The following SANBR variants were observed in gnomAD, a reference collection of about 807,000 sequenced individuals.
SANBR encodes SANT and BTB domain regulator of class switch recombination.
SANBR carries 77 observed loss-of-function variants against 101.8 expected under a neutral mutation model. The ratio of observed to expected loss-of-function variants is 0.76; its 90% CI spans 0.63 to 0.91. The LOEUF is 0.91. SANBR is among the 40% of genes least tolerant of loss of function. The pLI is 0.00. For synonymous variants in SANBR, 279 were observed against 274.7 expected (o/e 1.02, Z -0.15); for missense variants, 875 against 853.0 (o/e 1.03, Z -0.32).
intron 11 of SANBR, among the ~76,000 whole-genome samples, chr2:61,096,174 A>C (rs1275649861): frequency 3.3e-5 from 5 of 152,126 alleles, no homozygotes; most frequent in Non-Finnish European, 7.4e-5. Flanking sequence ...TCTAGATAAA[A>C]TGGTTTTACC....
chr2:61,080,448 C>G (rs1184340569), intron 6 of SANBR, among the ~76,000 whole-genome samples: 1 of 152,050 alleles, frequency 6.6e-6, no homozygotes, highest in African/African-American at 2.4e-5. Flanking sequence ...CTTCACCGGG[C>G]GTGGTGGCTC....
downstream of SANBR, among the ~76,000 whole-genome samples, chr2:61,124,875 G>T (rs1421781979): frequency 6.6e-6 from 1 of 152,200 alleles, no homozygotes; most frequent in South Asian, 2.1e-4. Flanking sequence ...ACTGTGAGAT[G>T]TGCTTATTGC....
At chr2:61,108,033 A>G (rs1683656871) in intron 14 of SANBR, among the ~76,000 whole-genome samples, 1 of 152,204 alleles carries the variant, frequency 6.6e-6, no homozygotes, top group South Asian at 2.1e-4. Flanking sequence ...AGTTCTAAAA[A>G]TAACTAAAAT....
Position 61,109,295 on chromosome 2 carries a change from A to C in SANBR, c.1743A>C (p.Gln581His), listed in dbSNP as rs1327088327. ...ATGAAGAAGAAGTATCCAAGAAACA[A>C]AGTATTGGTTTATAAGTTAAAATCA... ...VGDEEEVSKK[Q>H]RKKEKPKKFT... is the part of the protein sequence containing the mutation. Residue 581 changes from glutamine to histidine, a missense_variant and splice_region_variant, in exon 16 of 22, where the codon CAA becomes CAC. Transcript: ENST00000402291. 6.5e-7 allele frequency: 1 copy of C among 1,527,562 alleles called. No homozygotes were observed. The highest frequency in any genetic ancestry group is 1.4e-5 in the African/African-American group (1 of 72,806). The allele number at this position is 1,527,562 out of a possible 1,614,324, so 94.6% of individuals were successfully genotyped here. A position where few individuals can be genotyped will look rare whatever the true frequency, so the allele number is the denominator to read the frequency against.
downstream of SANBR, among the ~76,000 whole-genome samples, chr2:61,128,565 T>C (rs1300378482): frequency 6.6e-6 from 1 of 151,464 alleles, no homozygotes; most frequent in African/African-American, 2.4e-5. Flanking sequence ...CGATCTCAGC[T>C]CACTGCAACC....
rs906912228 is a variant in SANBR, at chr2:61,068,961, C to T, written c.-34C>T. On this transcript the variant is annotated 5_prime_UTR_variant, in exon 2 of 22. Transcript: ENST00000402291. ...ACTCCAGAGTCTGCACACTTAACCA[C>T]TCCACTATTCTGGCCTTCTACAAGG... 1.3e-5 allele frequency: 2 copies of T among 152,358 alleles called. No homozygotes were observed. Among genetic ancestry groups the T allele is most frequent in the African/African-American group, 2.4e-5 (1 of 41,446 alleles). 9.4% of individuals were successfully genotyped at this position (152,358 alleles called of 1,614,324 possible). A position where few individuals can be genotyped will look rare whatever the true frequency, so the allele number is the denominator to read the frequency against.
At chr2:61,125,581 A>G (rs192926510), downstream of SANBR, among the ~76,000 whole-genome samples, 3 of 152,384 alleles carry the variant, frequency 2.0e-5, no homozygotes, top group Non-Finnish European at 4.4e-5. Context: ...AGTGAAGGCC[A>G]TAGCAAAGTC....
intron 5 of SANBR, among the ~76,000 whole-genome samples, chr2:61,074,325 T>C (rs761813390): frequency 6.6e-6 from 1 of 152,230 alleles, no homozygotes; most frequent in Non-Finnish European, 1.5e-5. Context: ...GTGGTAAATT[T>C]TACTTTTTGT....
chr2:61,073,910 CATA>C (rs1681617269), intron 5 of SANBR, among the ~76,000 whole-genome samples: 2 of 152,034 alleles, frequency 1.3e-5, no homozygotes, highest in Non-Finnish European at 2.9e-5. Context: ...ACTATTTGAA[CATA>C]ATAACTCATT....
At chr2:61,083,433 G>A (rs1259341576) in intron 8 of SANBR, 119 bp downstream of exon 8, 10 of 734,638 alleles carry the variant, frequency 1.4e-5, no homozygotes, top group Admixed American at 5.5e-5. Context: ...TTCTCACTCT[G>A]TTGTTCAGGC....
rs1043212765 is a variant in SANBR, at chr2:61,123,317, A to T, written c.*1155A>T. Reference sequence around the variant, plus strand: ...AGAGAACAGACTTTAATAATGTGTGACAAAAGAGCAATTTCCATTGAAATA... The same window carrying T: ...AGAGAACAGACTTTAATAATGTGTGTCAAAAGAGCAATTTCCATTGAAATA... On this transcript the variant is annotated 3_prime_UTR_variant, in exon 22 of 22. Coordinates refer to ENST00000402291, the MANE Select transcript of SANBR (RefSeq NM_001129993.3). The T allele has an allele frequency of 1.0e-6, 1 of 980,094 alleles. No homozygotes were observed. Among genetic ancestry groups the T allele is most frequent in the Non-Finnish European group, 1.2e-6 (1 of 824,988 alleles). The allele number at this position is 980,094 out of a possible 1,614,324, so 60.7% of individuals were successfully genotyped here.
Position 61,122,418 on chromosome 2 carries a change from G to T in SANBR, c.*256G>T. Reference sequence around the variant, plus strand: ...GTAGAAAGCAATTATTTACAAATTTGCATAGTTGAGACTCCCAGTGTTTTC... The same window carrying T: ...GTAGAAAGCAATTATTTACAAATTTTCATAGTTGAGACTCCCAGTGTTTTC... On this transcript the variant is annotated 3_prime_UTR_variant, in exon 22 of 22. Coordinates refer to ENST00000402291, the MANE Select transcript of SANBR (RefSeq NM_001129993.3). The T allele has an allele frequency of 8.4e-7, 1 of 1,187,762 alleles. No homozygotes were observed. Among genetic ancestry groups the T allele is most frequent in the South Asian group, 3.6e-5 (1 of 27,888 alleles). 73.6% of individuals were successfully genotyped at this position (1,187,762 alleles called of 1,614,324 possible). A position where few individuals can be genotyped will look rare whatever the true frequency, so the allele number is the denominator to read the frequency against.
At chr2:61,103,480 T>C (rs1034213649) in intron 12 of SANBR, among the ~76,000 whole-genome samples, 1 of 152,050 alleles carries the variant, frequency 6.6e-6, no homozygotes, top group Non-Finnish European at 1.5e-5. Flanking sequence ...TAAACTATAG[T>C]GTTTAGGAAT....
chr2:61,067,285 T>C (rs1323239916), intron 1 of SANBR, among the ~76,000 whole-genome samples: 1 of 152,222 alleles, frequency 6.6e-6, no homozygotes, highest in African/African-American at 2.4e-5. Context: ...TAAATTAGTA[T>C]CACATTTGAA....
chr2:61,103,813 TAACA>T (rs780733566), intron 12 of SANBR, 36 bp from the exon 13 acceptor site: 27 of 1,597,532 alleles, frequency 1.7e-5, no homozygotes, highest in Non-Finnish European at 2.3e-5. Flanking sequence ...GAGTGTTCTA[TAACA>T]AACTAACCTC....
intron 11 of SANBR, among the ~76,000 whole-genome samples, chr2:61,093,130 C>T (rs944924896): frequency 6.6e-6 from 1 of 151,776 alleles, no homozygotes; most frequent in African/African-American, 2.4e-5. Context: ...AAGACTCCAT[C>T]TCAAAAATAA....
downstream of SANBR, among the ~76,000 whole-genome samples, chr2:61,128,504 T>G: frequency 6.6e-6 from 1 of 151,862 alleles, no homozygotes; most frequent in East Asian, 1.9e-4. Flanking sequence ...ATAATTTTTT[T>G]TTTTGGAGAT....
In SANBR at chr2:61,097,801, T is replaced by C. The variant is rs1159824762; in HGVS notation, c.1314T>C (p.Tyr438=). Residue 438 remains tyrosine, a synonymous_variant, in exon 12 of 22, where the codon TAT becomes TAC. Coordinates refer to ENST00000402291, the MANE Select transcript of SANBR (RefSeq NM_001129993.3). ...TGAATACTGTTGGCACTGGAATTTA[T>C]CCCTGCTGTAACCAAAAGGTTCTTC... The part of the protein sequence containing the change: ...SSLNTVGTGI[Y]PCCNQKVLRF... 21 of 1,613,468 alleles carry C rather than the reference T, an allele frequency of 1.3e-5. No individual in the cohort carries two copies. The highest frequency in any genetic ancestry group is 3.3e-5 in the Admixed American group (2 of 59,978).
chr2:61,123,937 C>G lies in SANBR; in HGVS notation c.*1775C>G. ...TGAAACCCTATCTCTACTAAAAATA[C>G]AAAAAGATTAGCCAGGCATGGTGGC... On this transcript the variant is annotated 3_prime_UTR_variant, in exon 22 of 22. Transcript: ENST00000402291. 1 of 373,102 alleles carries G rather than the reference C, an allele frequency of 2.7e-6. No homozygotes were observed. Among genetic ancestry groups the G allele is most frequent in the Non-Finnish European group, 3.7e-6 (1 of 270,390 alleles). The allele number at this position is 373,102 out of a possible 1,614,324, so 23.1% of individuals were successfully genotyped here.
Sources: allele counts gnomAD v4.1 joint callset (sites outside exome capture counted in the v4.1 genomes callset), GRCh38; gene constraint gnomAD v4.1.1; transcripts MANE v1.5; gene names NCBI Gene and HGNC (gene_info 2026-07-23, HGNC 2026-07-21).